ARHGEF6: variants seen among roughly 807,000 people sequenced by gnomAD.
ARHGEF6 encodes rho guanine nucleotide exchange factor 6.
ARHGEF6 carries 9 observed loss-of-function variants against 70.3 expected under a neutral mutation model. The ratio of observed to expected loss-of-function variants is 0.13; its 90% CI spans 0.08 to 0.22. ARHGEF6 has a LOEUF of 0.22. ARHGEF6 is among the 10% of genes least tolerant of loss of function. The pLI, the probability that ARHGEF6 is intolerant of heterozygous loss-of-function variation, is 1.00. For missense variants in ARHGEF6, 470 were observed against 563.0 expected (o/e 0.83, Z 1.67); for synonymous variants, 201 against 207.8 (o/e 0.97, Z 0.28).
intron 4 of ARHGEF6, among the ~76,000 whole-genome samples, chrX:136,744,398 T>C (rs2077075035): frequency 8.9e-6 from 1 of 112,192 alleles, no homozygotes; most frequent in Non-Finnish European, 1.9e-5. Context: ...TAATCTGTCA[T>C]GTATAAACTG....
At chrX:136,711,853 GC>G (rs1355165919) in intron 7 of ARHGEF6, among the ~76,000 whole-genome samples, 1 of 111,786 alleles carries the variant, frequency 8.9e-6, no homozygotes, top group Admixed American at 9.4e-5. Flanking sequence ...CAGCCAACGT[GC>G]CCAGCCAGCC....
At chrX:136,740,386 G>T (rs1276098897) in intron 5 of ARHGEF6, among the ~76,000 whole-genome samples, 1 of 111,342 alleles carries the variant, frequency 9.0e-6, no homozygotes, top group Non-Finnish European at 1.9e-5. Context: ...CAGGGGCAGA[G>T]ATGCCAATTA....
In ARHGEF6 at chrX:136,727,118, T is replaced by TA. The variant is rs1251590095; in HGVS notation, c.732+4983dup. 2.7e-5 allele frequency among the ~76,000 whole-genome samples: 3 copies of TA among 111,966 alleles called. No homozygotes were observed. The East Asian group carries it at 8.4e-4, about 31-fold the overall frequency. On this transcript the variant is annotated intron_variant, in intron 6 of 21. Coordinates refer to ENST00000250617, the MANE Select transcript of ARHGEF6 (RefSeq NM_004840.3). ...TTCCTCCAAGATTTGCCTTGAATCC[T>TA]ACATCCTCCATTCAACCTTTTCCTT...
Position 136,682,812 on chromosome X carries a change from T to C in ARHGEF6, c.1425A>G (p.Ser475=). Residue 475 remains serine (S), a synonymous_variant, in exon 13 of 22, where the codon TCA becomes TCG. Coordinates refer to ENST00000250617, the MANE Select transcript of ARHGEF6 (RefSeq NM_004840.3). ...TTGCAGATAACATTATCAGGACATT[T>C]GAAAATAACATAAGGTACCGCTCCT... is the stretch of plus-strand genomic sequence containing the variant. ...EKEERYLMLF[S]NVLIMLSASP... 5 of 1,209,768 alleles carry C rather than the reference T, an allele frequency of 4.1e-6. No homozygotes were observed. Among genetic ancestry groups the C allele is most frequent in the Non-Finnish European group, 5.6e-6 (5 of 893,624 alleles).
chrX:136,755,129 T>C (rs2077193086), intron 2 of ARHGEF6, among the ~76,000 whole-genome samples: 1 of 112,293 alleles, frequency 8.9e-6, no homozygotes, highest in African/African-American at 3.2e-5. Flanking sequence ...TTGAGCCTTG[T>C]TTCTATGGGA....
At chrX:136,744,120 A>G (rs1481604019) in intron 4 of ARHGEF6, among the ~76,000 whole-genome samples, 2 of 111,588 alleles carry the variant, frequency 1.8e-5, no homozygotes, top group African/African-American at 6.5e-5. Context: ...TCCACCCTGG[A>G]TAAGCTATTC....
At chrX:136,757,391 C>A (rs1280480026) in intron 2 of ARHGEF6, among the ~76,000 whole-genome samples, 10 of 111,894 alleles carry the variant, frequency 8.9e-5, no homozygotes, top group African/African-American at 3.2e-4. Context: ...AGCAAGATGC[C>A]ATCTCAAAAA....
intron 9 of ARHGEF6, among the ~76,000 whole-genome samples, chrX:136,706,339 C>T (rs1026960985): frequency 8.0e-5 from 9 of 112,123 alleles, no homozygotes; most frequent in African/African-American, 2.6e-4. Context: ...ACACAGCTCA[C>T]ACCTGCTTTG....
chrX:136,745,368 A>G, intron 3 of ARHGEF6, 21 bp from the exon 4 acceptor site: 2 of 1,210,325 alleles, frequency 1.7e-6, no homozygotes, highest in Non-Finnish European at 2.2e-6. Flanking sequence ...AGGAAAAGGC[A>G]TGTTAAAGGA....
At chrX:136,771,361 T>C (rs1831728609) in intron 2 of ARHGEF6, among the ~76,000 whole-genome samples, 1 of 112,371 alleles carries the variant, frequency 8.9e-6, no homozygotes, top group Non-Finnish European at 1.9e-5. Flanking sequence ...AAAATTCATA[T>C]GGACATGCGA....
intron 6 of ARHGEF6, among the ~76,000 whole-genome samples, chrX:136,731,159 C>T (rs1020501120): frequency 8.9e-6 from 1 of 111,886 alleles, no homozygotes; most frequent in Non-Finnish European, 1.9e-5. Context: ...CTAGAGAGTT[C>T]CTTCTTGATT....
intron 2 of ARHGEF6, among the ~76,000 whole-genome samples, chrX:136,748,789 T>C (rs1416203335): frequency 8.9e-6 from 1 of 112,483 alleles, no homozygotes; most frequent in African/African-American, 3.2e-5. Context: ...GAGCCATTTG[T>C]TCCATTTTTA....
chrX:136,711,393 C>T (rs984873512), intron 7 of ARHGEF6, among the ~76,000 whole-genome samples: 1 of 111,289 alleles, frequency 9.0e-6, no homozygotes, highest in Non-Finnish European at 1.9e-5. Context: ...ATGGGCAAGG[C>T]AGTAAACCTG....
chrX:136,674,581 TA>T (rs755610260), intron 19 of ARHGEF6, among the ~76,000 whole-genome samples: 48 of 112,281 alleles, frequency 4.3e-4, no homozygotes, highest in Admixed American at 8.5e-4. Context: ...ATTGTTCGTT[TA>T]AATATGCAGC....
At chrX:136,744,026 TC>T (rs774242723) in intron 4 of ARHGEF6, among the ~76,000 whole-genome samples, 2 of 111,780 alleles carry the variant, frequency 1.8e-5, no homozygotes, top group South Asian at 7.5e-4. Context: ...GTCATAGCTT[TC>T]ATTTTTCTCT....
chrX:136,729,761 C>T (rs1034351122), intron 6 of ARHGEF6, among the ~76,000 whole-genome samples: 5 of 107,914 alleles, frequency 4.6e-5, no homozygotes, highest in Non-Finnish European at 9.6e-5. Context: ...ACCCGGGAGG[C>T]GGAGGTTGCA....
intron 2 of ARHGEF6, among the ~76,000 whole-genome samples, chrX:136,757,659 G>A (rs1235944830): frequency 8.9e-6 from 1 of 111,745 alleles, no homozygotes; most frequent in Non-Finnish European, 1.9e-5. Flanking sequence ...GTACACAACA[G>A]GCTTCCCTAT....
chrX:136,713,577 A>G (rs909542332), intron 6 of ARHGEF6, among the ~76,000 whole-genome samples: 2 of 112,181 alleles, frequency 1.8e-5, no homozygotes, highest in African/African-American at 6.5e-5. Flanking sequence ...TATATTGCAC[A>G]ATTCATATGA....
chrX:136,763,266 T>C (rs1396893983), intron 2 of ARHGEF6, among the ~76,000 whole-genome samples: 1 of 112,433 alleles, frequency 8.9e-6, no homozygotes, highest in Admixed American at 9.4e-5. Context: ...TCATTTAATC[T>C]GCTATTTCTA....
Sources: allele counts gnomAD v4.1 joint callset (sites outside exome capture counted in the v4.1 genomes callset), GRCh38; gene constraint gnomAD v4.1.1; transcripts MANE v1.5; gene names NCBI Gene and HGNC (gene_info 2026-07-23, HGNC 2026-07-21).